SFT2D2: variants seen among roughly 807,000 people sequenced by gnomAD.
The protein encoded by SFT2D2 is vesicle transport protein SFT2B.
In SFT2D2, 21 loss-of-function variants were observed where a neutral mutation model predicts 27.4. That is an observed-to-expected ratio of 0.77 (90% CI 0.54 to 1.10). SFT2D2 has a LOEUF of 1.10. Among genes scored for constraint, SFT2D2 ranks in the 50% least tolerant of loss-of-function variants. The pLI, the probability that SFT2D2 is intolerant of heterozygous loss-of-function variation, is 0.00. For synonymous variants in SFT2D2, 72 were observed against 71.7 expected (o/e 1.00, Z -0.02); for missense variants, 187 against 194.2 (o/e 0.96, Z 0.22).
At chr1:168,226,457 G>A (rs887689135) in intron 1 of SFT2D2, among the ~76,000 whole-genome samples, 1 of 152,210 alleles carries the variant, frequency 6.6e-6, no homozygotes, top group African/African-American at 2.4e-5. Flanking sequence ...ACCGGCCGGG[G>A]AATGCGCTTT....
At chr1:168,240,174 C>CAAAAAAA in intron 7 of SFT2D2, among the ~76,000 whole-genome samples, 1 of 103,196 alleles carries the variant, frequency 9.7e-6, no homozygotes, top group South Asian at 3.2e-4. Context: ...GACTCTGTCT[C>CAAAAAAA]AAAAAAAAAA....
rs1213552934 is a variant in SFT2D2 at position 168,244,945 on chromosome 1, G to GGGCA, written c.*2406_*2409dup. On this transcript the variant is annotated 3_prime_UTR_variant, in exon 8 of 8. Transcript: ENST00000271375. ...AAGAGAATTTCCTCAACCTGTCGAA[G>GGGCA]GGCATCTTTAAAATATCTACTGCTA... The GGGCA allele has an allele frequency of 2.0e-5, 3 of 152,126 alleles. No individual in the cohort carries two copies. Among genetic ancestry groups the GGGCA allele is most frequent in the Non-Finnish European group, 4.4e-5 (3 of 68,030 alleles). The allele number at this position is 152,126 out of a possible 1,614,324, so 9.4% of individuals were successfully genotyped here.
chr1:168,232,203 C>T (rs1267218709), intron 3 of SFT2D2, among the ~76,000 whole-genome samples: 1 of 152,162 alleles, frequency 6.6e-6, no homozygotes, highest in African/African-American at 2.4e-5. Context: ...CAACCCAGTC[C>T]TCCTGCTTGC....
chr1:168,232,283 G>C (rs568734120), intron 3 of SFT2D2, among the ~76,000 whole-genome samples: 69 of 152,290 alleles, frequency 4.5e-4, no homozygotes, highest in African/African-American at 1.5e-3. Flanking sequence ...TGGCCATAAG[G>C]GAAACTGGTT....
rs575087240 is a variant in SFT2D2, at chr1:168,231,759, C to T, written c.151-75C>T. 2.0e-5 allele frequency: 30 copies of T among 1,514,866 alleles called. No individual in the cohort carries two copies. The South Asian group carries it at 3.4e-4, about 17-fold the overall frequency. The allele number at this position is 1,514,866 out of a possible 1,614,324, so 93.8% of individuals were successfully genotyped here. On this transcript the variant is annotated intron_variant, in intron 2 of 7. Coordinates refer to ENST00000271375, the MANE Select transcript of SFT2D2 (RefSeq NM_199344.3). ...GGGGAGGGAAACGGACTCCTCAGGGCTTCCTCTGGGAGCTCTGCTTGTGTG... is the reference window on the plus strand; with the variant it reads ...GGGGAGGGAAACGGACTCCTCAGGGTTTCCTCTGGGAGCTCTGCTTGTGTG...
rs1647851730 is a variant in SFT2D2 at position 168,247,446 on chromosome 1, G to C, written c.*4906G>C. The C allele has an allele frequency of 6.3e-6, 1 of 159,696 alleles. No individual in the cohort carries two copies. Among genetic ancestry groups the C allele is most frequent in the Admixed American group, 6.2e-5 (1 of 16,138 alleles). The allele number at this position is 159,696 out of a possible 1,614,324, so 9.9% of individuals were successfully genotyped here. On this transcript the variant is annotated 3_prime_UTR_variant, in exon 8 of 8. Transcript: ENST00000271375. ...TGTTTGGTTTTCTGTTCTTGTGTTA[G>C]TTTGCTGAGAATGATGGTTTCCAGC...
At position 168,226,076 on chromosome 1, in the gene SFT2D2, C is replaced by G. The variant is rs1041858773; in HGVS notation, c.-4C>G. On this transcript the variant is annotated 5_prime_UTR_variant, in exon 1 of 8. Coordinates refer to ENST00000271375, the MANE Select transcript of SFT2D2 (RefSeq NM_199344.3). The stretch of plus-strand genomic sequence containing the variant: ...GAGCTGGAGCTGGTGGGGACTGGGC[C>G]GCAATGGACAAGCTGAAGAAGGTGC... 3 of 1,531,150 alleles carry G rather than the reference C, an allele frequency of 2.0e-6. No individual in the cohort carries two copies. The highest frequency in any genetic ancestry group is 2.6e-6 in the Non-Finnish European group (3 of 1,138,112). 94.8% of individuals were successfully genotyped at this position (1,531,150 alleles called of 1,614,324 possible). A position where few individuals can be genotyped will look rare whatever the true frequency, so the allele number is the denominator to read the frequency against.
chr1:168,227,138 C>A (rs1046217042), intron 1 of SFT2D2, among the ~76,000 whole-genome samples: 1 of 152,166 alleles, frequency 6.6e-6, no homozygotes, highest in African/African-American at 2.4e-5. Context: ...AAGTTTTGAT[C>A]GTGCTGAAAC....
Position 168,252,907 on chromosome 1 carries a change from T to C in SFT2D2, c.*10367T>C, listed in dbSNP as rs1462683296. Reference sequence around the variant, plus strand: ...ATTTCATTTACTAAATATTGTTTTCTTTATGCTAACTTAACTTTAAAAGGA... The same window carrying C: ...ATTTCATTTACTAAATATTGTTTTCCTTATGCTAACTTAACTTTAAAAGGA... On this transcript the variant is annotated 3_prime_UTR_variant, in exon 8 of 8. Coordinates refer to ENST00000271375, the MANE Select transcript of SFT2D2 (RefSeq NM_199344.3). 1.3e-5 allele frequency: 2 copies of C among 152,252 alleles called. No homozygotes were observed. Among genetic ancestry groups the C allele is most frequent in the Non-Finnish European group, 2.9e-5 (2 of 68,036 alleles). 9.4% of individuals were successfully genotyped at this position (152,252 alleles called of 1,614,324 possible).
rs189522605 is a variant in SFT2D2 at position 168,238,902 on chromosome 1, C to T, written c.414-229C>T. On this transcript the variant is annotated intron_variant, in intron 6 of 7. Transcript: ENST00000271375. Reference sequence around the variant, plus strand: ...GGGTTATCTCCACATGAACCTTTTGCCCTTCTTCTGTGGCTGCCTATCTGT... The same window carrying T: ...GGGTTATCTCCACATGAACCTTTTGTCCTTCTTCTGTGGCTGCCTATCTGT... Among the ~76,000 whole-genome samples the T allele has an allele frequency of 2.0e-3, 308 of 152,280 alleles. 2 individuals are homozygous for T. Among genetic ancestry groups the T allele is most frequent in the African/African-American group, 6.9e-3 (285 of 41,540 alleles).
chr1:168,239,186 G>A, intron 7 of SFT2D2, 26 bp downstream of exon 7: 1 of 1,556,118 alleles, frequency 6.4e-7, no homozygotes, highest in Non-Finnish European at 8.9e-7. Flanking sequence ...TGGAAATAAT[G>A]ATTTCTGTCA....
In SFT2D2 at chr1:168,246,433, A is replaced by G. The variant is rs1355258186; in HGVS notation, c.*3893A>G. ...ATTTTTTCAATGTCCTTCATTTGAC[A>G]CCGTTTGGTTTAGCTCTCTTTGTAT... On this transcript the variant is annotated 3_prime_UTR_variant, in exon 8 of 8. Transcript: ENST00000271375. 2.8e-6 allele frequency: 3 copies of G among 1,062,950 alleles called. No homozygotes were observed. The highest frequency in any genetic ancestry group is 6.2e-5 in the East Asian group (2 of 32,078). 65.8% of individuals were successfully genotyped at this position (1,062,950 alleles called of 1,614,324 possible).
At chr1:168,234,794 A>T (rs1170083731) in intron 3 of SFT2D2, among the ~76,000 whole-genome samples, 6 of 152,158 alleles carry the variant, frequency 3.9e-5, no homozygotes, top group Non-Finnish European at 8.8e-5. Flanking sequence ...GGCTTATCCA[A>T]CCTAGTGGTA....
intron 6 of SFT2D2, among the ~76,000 whole-genome samples, chr1:168,237,623 G>A (rs1310434852): frequency 6.6e-6 from 1 of 152,214 alleles, no homozygotes; most frequent in Non-Finnish European, 1.5e-5. Flanking sequence ...AAGGAGGATT[G>A]TGGACATTTT....
intron 7 of SFT2D2, 28 bp downstream of exon 7, chr1:168,239,188 T>C (rs1647583133): frequency 1.9e-6 from 3 of 1,543,376 alleles, no homozygotes; most frequent in South Asian, 2.2e-5. Context: ...GAAATAATGA[T>C]TTCTGTCATT....
At chr1:168,235,977 A>G (rs1416906519) in intron 4 of SFT2D2, among the ~76,000 whole-genome samples, 1 of 152,206 alleles carries the variant, frequency 6.6e-6, no homozygotes, top group East Asian at 1.9e-4. Flanking sequence ...GACACAGAGA[A>G]TATTTAGGAC....
rs770772061 is a variant in SFT2D2, at chr1:168,231,556, G to A, written c.106G>A (p.Gly36Ser). The change falls in exon 2 of 8, where the codon GGC (glycine) becomes AGC (serine). Residue 36 changes from glycine (G) to serine (S), a missense_variant. Physicochemically the swap from Gly to Ser is moderately conservative, Grantham distance 56 (BLOSUM62 0). Coordinates refer to ENST00000271375, the MANE Select transcript of SFT2D2 (RefSeq NM_199344.3). ...SSLSWSTRIK[G>S]FIACFAIGIL... is the part of the protein sequence containing the mutation. ...ATTAAGCTGGAGTACCAGGATAAAA[G>A]GCTTCATTGCGTGTTTTGCTATAGG... is the stretch of plus-strand genomic sequence containing the variant. The A allele has an allele frequency of 5.0e-6, 8 of 1,613,976 alleles. No individual in the cohort carries two copies. Among genetic ancestry groups the A allele is most frequent in the Non-Finnish European group, 5.9e-6 (7 of 1,180,010 alleles).
intron 7 of SFT2D2, among the ~76,000 whole-genome samples, chr1:168,240,309 A>C (rs1647614310): frequency 6.6e-6 from 1 of 152,024 alleles, no homozygotes; most frequent in Non-Finnish European, 1.5e-5. Flanking sequence ...GGAGTGATTG[A>C]TTGGATGCGA....
Position 168,250,792 on chromosome 1 carries a change from C to T in SFT2D2, c.*8252C>T, listed in dbSNP as rs1307409812. On this transcript the variant is annotated 3_prime_UTR_variant, in exon 8 of 8. Coordinates refer to ENST00000271375, the MANE Select transcript of SFT2D2 (RefSeq NM_199344.3). ...CCTTCAGTTCTGCTCCTCTGCATAGCCGTAGCTCAGATCCTAGCTCAAGAT... is the reference window on the plus strand; with the variant it reads ...CCTTCAGTTCTGCTCCTCTGCATAGTCGTAGCTCAGATCCTAGCTCAAGAT... 1 of 152,214 alleles carries T rather than the reference C, an allele frequency of 6.6e-6. No homozygotes were observed. The highest frequency in any genetic ancestry group is 6.5e-5 in the Admixed American group (1 of 15,280). 9.4% of individuals were successfully genotyped at this position (152,214 alleles called of 1,614,324 possible).
Sources: gnomAD v4.1 joint callset for allele counts (sites outside exome capture counted in the v4.1 genomes callset) on GRCh38, gnomAD v4.1.1 for gene constraint, MANE v1.5 for transcripts, NCBI Gene and HGNC (gene_info 2026-07-23, HGNC 2026-07-21) for gene names.